KCNS3: variants seen among roughly 807,000 people sequenced by gnomAD.
The protein encoded by KCNS3 is potassium voltage-gated channel modifier subfamily S member 3, also known as delayed-rectifier potassium channel regulatory subunit KCNS3.
In KCNS3, 13 loss-of-function variants were observed where a neutral mutation model predicts 31.0. The ratio of observed to expected loss-of-function variants is 0.42; its 90% CI spans 0.27 to 0.67. The LOEUF is 0.67. KCNS3 is among the 30% of genes least tolerant of loss of function. KCNS3 has a pLI of 0.25. For synonymous variants in KCNS3, 238 were observed against 241.5 expected, an observed-to-expected ratio of 0.99 and a Z score of 0.13; for missense variants, 545 against 622.4, an observed-to-expected ratio of 0.88 and a Z score of 1.32.
At chr2:17,892,492 G>C (rs1348147459) in intron 1 of KCNS3, among the ~76,000 whole-genome samples, 2 of 152,010 alleles carry the variant, frequency 1.3e-5, no homozygotes, top group African/African-American at 4.8e-5. Flanking sequence ...TGATTTTTTG[G>C]GGGGTGTTGA....
At chr2:17,894,270 G>C (rs1461952) in intron 1 of KCNS3, among the ~76,000 whole-genome samples, 124,370 of 151,822 alleles carry the variant, frequency 0.82, 51,349 homozygotes, top group East Asian at 0.97. Context: ...TACCAGGACC[G>C]GAGCACTATA....
rs147218645 is a variant in KCNS3 at position 17,880,093 on chromosome 2, C to T, written c.-252+1287C>T. 4.1e-3 allele frequency among the ~76,000 whole-genome samples: 624 copies of T among 152,338 alleles called. 6 individuals are homozygous for T. The highest frequency in any genetic ancestry group is 0.015 in the African/African-American group (608 of 41,580). ...TCACTTGGAACTGTGTAAGTCACTC[C>T]TAGTTGCCCCCCTTCTTAGACTATT... is the stretch of plus-strand genomic sequence containing the variant. On this transcript the variant is annotated intron_variant, in intron 1 of 2. Coordinates refer to ENST00000304101, the MANE Select transcript of KCNS3 (RefSeq NM_002252.5).
At chr2:17,908,849 G>A (rs1254964055) in intron 1 of KCNS3, among the ~76,000 whole-genome samples, 2 of 152,192 alleles carry the variant, frequency 1.3e-5, no homozygotes, top group Non-Finnish European at 2.9e-5. Context: ...ACCCGGCCGT[G>A]TGAAGTGTCA....
At chr2:17,880,478 A>G (rs1674619904) in intron 1 of KCNS3, among the ~76,000 whole-genome samples, 1 of 152,186 alleles carries the variant, frequency 6.6e-6, no homozygotes, top group Admixed American at 6.5e-5. Context: ...CTGAACTAGG[A>G]ATTGTCAATA....
At chr2:17,900,799 T>C (rs1662156340) in intron 1 of KCNS3, among the ~76,000 whole-genome samples, 1 of 152,168 alleles carries the variant, frequency 6.6e-6, no homozygotes, top group Non-Finnish European at 1.5e-5. Flanking sequence ...TGTTTTTCAC[T>C]AATTCTTTAT....
intron 1 of KCNS3, among the ~76,000 whole-genome samples, chr2:17,915,980 C>G (rs1662579180): frequency 6.6e-6 from 1 of 152,070 alleles, no homozygotes; most frequent in Non-Finnish European, 1.5e-5. Context: ...CATACCAGTG[C>G]TATAAAAAGG....
intron 1 of KCNS3, among the ~76,000 whole-genome samples, chr2:17,892,792 A>C (rs1161289935): frequency 6.6e-6 from 1 of 152,112 alleles, no homozygotes; most frequent in Admixed American, 6.5e-5. Flanking sequence ...TGAACTGTCT[A>C]TGGGTCTCTC....
intron 1 of KCNS3, among the ~76,000 whole-genome samples, chr2:17,909,697 G>A (rs141685158): frequency 8.5e-5 from 13 of 152,250 alleles, no homozygotes; most frequent in African/African-American, 2.2e-4. Flanking sequence ...AAGTGAGAGG[G>A]CAAGCCATGC....
At chr2:17,884,125 A>C (rs1276505138) in intron 1 of KCNS3, among the ~76,000 whole-genome samples, 2 of 73,546 alleles carry the variant, frequency 2.7e-5, no homozygotes, top group African/African-American at 5.6e-5. Context: ...GGGAGGGGGG[A>C]GGGATAGCAT....
At chr2:17,894,397 T>A (rs1039058846) in intron 1 of KCNS3, among the ~76,000 whole-genome samples, 1 of 152,218 alleles carries the variant, frequency 6.6e-6, no homozygotes, top group Non-Finnish European at 1.5e-5. Context: ...TAATGTGGAC[T>A]GCTTAGCTAA....
intron 1 of KCNS3, among the ~76,000 whole-genome samples, chr2:17,892,327 C>T (rs1417391226): frequency 6.6e-6 from 1 of 151,228 alleles, no homozygotes; most frequent in Non-Finnish European, 1.5e-5. Context: ...TTTCTTCCTT[C>T]ACTTCTTGTA....
At chr2:17,923,546 C>A (rs1231413610) in intron 2 of KCNS3, among the ~76,000 whole-genome samples, 4 of 151,860 alleles carry the variant, frequency 2.6e-5, no homozygotes, top group Non-Finnish European at 5.9e-5. Flanking sequence ...GAAGCCATTC[C>A]CTAACTCAAG....
At chr2:17,923,305 G>A (rs1662764147) in intron 2 of KCNS3, among the ~76,000 whole-genome samples, 2 of 151,948 alleles carry the variant, frequency 1.3e-5, no homozygotes, top group African/African-American at 4.8e-5. Context: ...CCATTTTAAA[G>A]GAGTTTATTT....
chr2:17,883,780 C>G (rs190445797), intron 1 of KCNS3, among the ~76,000 whole-genome samples: 1 of 152,016 alleles, frequency 6.6e-6, no homozygotes, highest in Non-Finnish European at 1.5e-5. Flanking sequence ...GATTATAAAT[C>G]ATGCTGCTAT....
rs768112262 is a variant in KCNS3, at chr2:17,916,322, C to A, written c.-251-1358C>A. 4.6e-5 allele frequency among the ~76,000 whole-genome samples: 7 copies of A among 151,826 alleles called. No individual in the cohort carries two copies. In the East Asian group the frequency reaches 9.7e-4, roughly 21 times the overall value. ...GAACTGAGGCTGACCCAAGGACATG[C>A]CACTGAGAGGCCATGAAGGAGGAAG... is the stretch of plus-strand genomic sequence containing the variant. On this transcript the variant is annotated intron_variant, in intron 1 of 2. Coordinates refer to ENST00000304101, the MANE Select transcript of KCNS3 (RefSeq NM_002252.5).
chr2:17,888,569 T>C (rs1487668815), intron 1 of KCNS3, among the ~76,000 whole-genome samples: 3 of 145,828 alleles, frequency 2.1e-5, no homozygotes, highest in African/African-American at 2.5e-5. Context: ...TGTATACATA[T>C]GTAACAAACC....
intron 2 of KCNS3, among the ~76,000 whole-genome samples, chr2:17,930,564 A>G (rs1662937852): frequency 6.6e-6 from 1 of 152,176 alleles, no homozygotes; most frequent in South Asian, 2.1e-4. Flanking sequence ...GAGTTTTCCC[A>G]AACATGAAGA....
In KCNS3 at chr2:17,931,403, A is replaced by G; in HGVS notation, c.395A>G (p.Asp132Gly). 6.2e-7 allele frequency: 1 copy of G among 1,614,176 alleles called. No homozygotes were observed. Among genetic ancestry groups the G allele is most frequent in the South Asian group, 1.1e-5 (1 of 91,074 alleles). Reference sequence around the variant, plus strand: ...CGCAAGGAGGAAAACCACGAGAAGGACTGGGACCAGAAAAGCCATGATGTG... The same window carrying G: ...CGCAAGGAGGAAAACCACGAGAAGGGCTGGGACCAGAAAAGCCATGATGTG... ...QERKEENHEK[D>G]WDQKSHDVST... Residue 132 changes from aspartate to glycine, a missense_variant, in exon 3 of 3, where the codon GAC becomes GGC. Physicochemically the swap from Asp to Gly is moderately conservative, Grantham distance 94. Coordinates refer to ENST00000304101, the MANE Select transcript of KCNS3 (RefSeq NM_002252.5). The surrounding 1 kb of genome is among the most constrained non-coding windows in gnomAD (Gnocchi z 5.4).
At chr2:17,903,774 A>AC (rs1402423668) in intron 1 of KCNS3, among the ~76,000 whole-genome samples, 1 of 152,182 alleles carries the variant, frequency 6.6e-6, no homozygotes, top group Non-Finnish European at 1.5e-5. Context: ...ATGTCCCTAC[A>AC]AAGGACATGA....
Sources: gnomAD v4.1 joint callset for allele counts (sites outside exome capture counted in the v4.1 genomes callset) on GRCh38, gnomAD v4.1.1 for gene constraint, Gnocchi (gnomAD v3.1) non-coding constraint, MANE v1.5 for transcripts, NCBI Gene and HGNC (gene_info 2026-07-23, HGNC 2026-07-21) for gene names.